Variants in TBCE observed in about 807,000 individuals in gnomAD.
TBCE encodes tubulin-specific chaperone E.
In TBCE, 53 loss-of-function variants were observed where a neutral mutation model predicts 77.0. The observed-to-expected ratio is 0.69, with a 90% CI of 0.55 to 0.87. The LOEUF (loss-of-function observed/expected upper bound fraction) is 0.87. Ranked by LOEUF, TBCE falls within the 40% of genes least tolerant of loss-of-function variation. The pLI, the probability that TBCE is intolerant of heterozygous loss-of-function variation, is 0.00. For synonymous variants in TBCE, 235 were observed against 241.3 expected (o/e 0.97, Z 0.24); for missense variants, 624 against 622.4 (o/e 1.00, Z -0.03).
intron 2 of TBCE, among the ~76,000 whole-genome samples, chr1:235,399,587 A>T (rs1572362016): frequency 6.6e-6 from 1 of 152,344 alleles, no homozygotes; most frequent in Non-Finnish European, 1.5e-5. Context: ...TCTTGCATCC[A>T]TGGAGGGCTT....
At chr1:235,446,538 A>G (rs1378701752) in intron 15 of TBCE, among the ~76,000 whole-genome samples, 1 of 152,182 alleles carries the variant, frequency 6.6e-6, no homozygotes, top group Non-Finnish European at 1.5e-5. Context: ...TACCTCTCAA[A>G]TTTTTAACAC....
intron 13 of TBCE, 115 bp downstream of exon 13, chr1:235,439,037 G>T: frequency 6.8e-7 from 1 of 1,460,374 alleles, no homozygotes; most frequent in Middle Eastern, 2.3e-4. Flanking sequence ...TCCTTTCCTG[G>T]GCTTCTTGTA....
At chr1:235,416,180 A>AAG (rs1007691347) in intron 4 of TBCE, 12 of 149,674 alleles carry the variant, frequency 8.0e-5, no homozygotes, top group African/African-American at 2.8e-4. Flanking sequence ...AAAAAAAAAA[A>AAG]AAAAAAGAAA....
At chr1:235,442,470 A>G (rs1047503874) in intron 14 of TBCE, among the ~76,000 whole-genome samples, 1 of 152,216 alleles carries the variant, frequency 6.6e-6, no homozygotes, top group African/African-American at 2.4e-5. Context: ...GCGCCCTGTC[A>G]AAGAAATGAA....
Position 235,433,014 on chromosome 1 carries a change from T to C in TBCE, c.661-1190T>C. On this transcript the variant is annotated intron_variant, in intron 7 of 16. Transcript: ENST00000642610. ...AGAAAGACGCCAGCAAGTTCGTGGA[T>C]CTGTGCGTGCTGCAGAAATGCTCCA... The C allele has an allele frequency of 6.5e-7, 1 of 1,527,526 alleles. No homozygotes were observed. Among genetic ancestry groups the C allele is most frequent in the Non-Finnish European group, 8.7e-7 (1 of 1,144,488 alleles). The allele number at this position is 1,527,526 out of a possible 1,614,324, so 94.6% of individuals were successfully genotyped here.
At chr1:235,389,293 C>T (rs954241911) in intron 2 of TBCE, among the ~76,000 whole-genome samples, 1 of 152,120 alleles carries the variant, frequency 6.6e-6, no homozygotes, top group Non-Finnish European at 1.5e-5. Flanking sequence ...AATTGTAATT[C>T]TGCAGAGAGG....
At position 235,450,464 on chromosome 1, in the gene TBCE, G is replaced by A; in HGVS notation, c.*1702G>A. On this transcript the variant is annotated 3_prime_UTR_variant, in exon 17 of 17. Transcript: ENST00000642610. ...CTGAAATTATTTCAAGGATAACTCC[G>A]TGTGTGGAACAACTGGTGAGGTTTG... 4.0e-6 allele frequency: 5 copies of A among 1,236,302 alleles called. No homozygotes were observed. Among genetic ancestry groups the A allele is most frequent in the Middle Eastern group, 2.1e-4 (1 of 4,676 alleles). 76.6% of individuals were successfully genotyped at this position (1,236,302 alleles called of 1,614,324 possible).
rs952121633 is a variant in TBCE at position 235,448,885 on chromosome 1, T to TAAC, written c.*126_*128dup. On this transcript the variant is annotated 3_prime_UTR_variant, in exon 17 of 17. Coordinates refer to ENST00000642610, the MANE Select transcript of TBCE (RefSeq NM_003193.5). ...GGGGGTTTACAACTTGTCCTAAGTA[T>TAAC]AACAAGGGATGTATTTTTTGTTGGG... 2 of 755,198 alleles carry TAAC rather than the reference T, an allele frequency of 2.6e-6. No individual in the cohort carries two copies. The highest frequency in any genetic ancestry group is 3.5e-5 in the African/African-American group (2 of 57,846). The allele number at this position is 755,198 out of a possible 1,614,324, so 46.8% of individuals were successfully genotyped here.
At chr1:235,397,871 C>T (rs930895562) in intron 2 of TBCE, among the ~76,000 whole-genome samples, 2 of 152,158 alleles carry the variant, frequency 1.3e-5, no homozygotes, top group Non-Finnish European at 2.9e-5. Context: ...TGTCTGTCCA[C>T]TCTCTTACTC....
Position 235,448,987 on chromosome 1 carries a change from T to C in TBCE, c.*225T>C. The C allele has an allele frequency of 2.2e-6, 1 of 458,384 alleles. No individual in the cohort carries two copies. Among genetic ancestry groups the C allele is most frequent in the Non-Finnish European group, 4.0e-6 (1 of 249,060 alleles). 28.4% of individuals were successfully genotyped at this position (458,384 alleles called of 1,614,324 possible). On this transcript the variant is annotated 3_prime_UTR_variant, in exon 17 of 17. Transcript: ENST00000642610. ...CTACTAATGATTTTCTGATCTTATTTCATATTTATTTTTACAGCTCATCAC... is the reference window on the plus strand; with the variant it reads ...CTACTAATGATTTTCTGATCTTATTCCATATTTATTTTTACAGCTCATCAC...
At chr1:235,397,035 C>T (rs2102848449) in intron 2 of TBCE, among the ~76,000 whole-genome samples, 1 of 151,868 alleles carries the variant, frequency 6.6e-6, no homozygotes, top group African/African-American at 2.4e-5. Flanking sequence ...AGTGCAGTAG[C>T]GCCATCTTGG....
chr1:235,369,533 A>G (rs1676772695), intron 1 of TBCE, among the ~76,000 whole-genome samples: 1 of 144,008 alleles, frequency 6.9e-6, no homozygotes, highest in Non-Finnish European at 1.5e-5. Context: ...CAAAAAAAAC[A>G]AAAACTGGCT....
chr1:235,398,810 T>C (rs1678911355), intron 2 of TBCE, among the ~76,000 whole-genome samples: 1 of 147,410 alleles, frequency 6.8e-6, no homozygotes, highest in Non-Finnish European at 1.5e-5. Context: ...GAGCCGGGCT[T>C]ATTTTTGTAG....
intron 3 of TBCE, 57 bp downstream of exon 3, chr1:235,401,644 G>T: frequency 1.4e-6 from 2 of 1,388,074 alleles, no homozygotes; most frequent in East Asian, 2.3e-5. Flanking sequence ...TTTAATACTT[G>T]AATAAGGAGG....
rs899629661 is a variant in TBCE at position 235,393,856 on chromosome 1, G to A, written c.101-7647G>A. ...GTTCTGGGAGTGGATGAAGGAAACA[G>A]CTAAGCTTACTGACTGTTGCCTAGG... is the stretch of plus-strand genomic sequence containing the variant. On this transcript the variant is annotated intron_variant, in intron 2 of 16. Transcript: ENST00000642610. 2.0e-5 allele frequency among the ~76,000 whole-genome samples: 3 copies of A among 152,272 alleles called. No homozygotes were observed. The East Asian group carries it at 5.8e-4, about 29-fold the overall frequency.
intron 12 of TBCE, 105 bp downstream of exon 12, chr1:235,437,579 G>C: frequency 7.2e-7 from 1 of 1,381,724 alleles, no homozygotes; most frequent in Middle Eastern, 2.5e-4. Context: ...TGGGAGGCTG[G>C]GGCAGGCTGA....
intron 1 of TBCE, 130 bp from the exon 2 acceptor site, chr1:235,379,889 A>G (rs1677516342): frequency 7.4e-6 from 4 of 540,422 alleles, no homozygotes; most frequent in Non-Finnish European, 1.3e-5. Context: ...TGGGGGTTGC[A>G]GTGAGCCGAG....
chr1:235,417,463 A>G (rs537968036), intron 4 of TBCE, among the ~76,000 whole-genome samples: 7 of 152,338 alleles, frequency 4.6e-5, no homozygotes, highest in Non-Finnish European at 8.8e-5. Context: ...TTGTTTTATA[A>G]AAAAGCAAGT....
chr1:235,381,627 G>C (rs1355293784), intron 2 of TBCE, among the ~76,000 whole-genome samples: 1 of 132,456 alleles, frequency 7.5e-6, no homozygotes, highest in Non-Finnish European at 1.5e-5. Context: ...GGAGGTTGCA[G>C]TGAGCCGAGA....
Sources: allele counts gnomAD v4.1 joint callset (sites outside exome capture counted in the v4.1 genomes callset), GRCh38; gene constraint gnomAD v4.1.1; transcripts MANE v1.5; gene names NCBI Gene and HGNC (gene_info 2026-07-23, HGNC 2026-07-21).